The following BTBD1 variants were observed in gnomAD, a reference collection of about 807,000 sequenced individuals.
The protein encoded by BTBD1 is BTB domain containing 1, also known as BTB/POZ domain-containing protein 1.
BTBD1 carries 34 observed loss-of-function variants against 48.0 expected under a neutral mutation model. That is an observed-to-expected ratio of 0.71 (90% confidence interval 0.54 to 0.94). The LOEUF is 0.94. BTBD1 is among the 40% of genes least tolerant of loss of function. The pLI is 0.00. For missense variants in BTBD1, 543 were observed against 625.6 expected (o/e 0.87, Z 1.41); for synonymous variants, 261 against 242.1 (o/e 1.08, Z -0.72).
intron 4 of BTBD1, among the ~76,000 whole-genome samples, chr15:83,036,639 T>G (rs565290928): frequency 6.6e-6 from 1 of 152,288 alleles, no homozygotes; most frequent in African/African-American, 2.4e-5. Flanking sequence ...ATGGCCTCAA[T>G]GGTCCCCAAA....
At chr15:83,043,068 G>A (rs908181726) in intron 3 of BTBD1, among the ~76,000 whole-genome samples, 8 of 152,158 alleles carry the variant, frequency 5.3e-5, no homozygotes, top group African/African-American at 1.9e-4. Context: ...ACTCGAGCCT[G>A]GGAGGTTGCA....
At chr15:83,023,346 T>C (rs1817964327) in intron 5 of BTBD1, among the ~76,000 whole-genome samples, 1 of 152,198 alleles carries the variant, frequency 6.6e-6, no homozygotes, top group Non-Finnish European at 1.5e-5. Flanking sequence ...TTCCTAGAAC[T>C]GCTGGTGAAA....
chr15:83,051,383 T>G (rs1302869613), intron 2 of BTBD1, among the ~76,000 whole-genome samples: 1 of 151,898 alleles, frequency 6.6e-6, no homozygotes, highest in African/African-American at 2.4e-5. Flanking sequence ...CTGATAAATA[T>G]CTAAACAATT....
At chr15:83,063,443 T>G (rs1407162157) in intron 1 of BTBD1, among the ~76,000 whole-genome samples, 1 of 152,160 alleles carries the variant, frequency 6.6e-6, no homozygotes, top group Non-Finnish European at 1.5e-5. Flanking sequence ...TTTGACCATG[T>G]CTCATCATGT....
chr15:83,018,448 CA>C (rs1309241176), intron 7 of BTBD1, among the ~76,000 whole-genome samples: 8 of 152,166 alleles, frequency 5.3e-5, no homozygotes, highest in Admixed American at 5.2e-4. Flanking sequence ...AAAGATTTTA[CA>C]AAAATAACTT....
intron 4 of BTBD1, among the ~76,000 whole-genome samples, chr15:83,039,917 T>C (rs2032712561): frequency 6.6e-6 from 1 of 151,786 alleles, no homozygotes; most frequent in African/African-American, 2.4e-5. Context: ...TGCACTCATA[T>C]GTTCATCACA....
At chr15:83,026,445 G>C (rs962157623) in intron 5 of BTBD1, among the ~76,000 whole-genome samples, 4 of 151,196 alleles carry the variant, frequency 2.6e-5, no homozygotes, top group Non-Finnish European at 5.9e-5. Context: ...AATTCATGTA[G>C]GTAAAAAATC....
intron 2 of BTBD1, among the ~76,000 whole-genome samples, chr15:83,053,591 T>C (rs1008751359): frequency 1.3e-5 from 2 of 152,160 alleles, no homozygotes; most frequent in African/African-American, 4.8e-5. Flanking sequence ...ACCTTTAAAA[T>C]AAAAGTAGTT....
chr15:83,031,603 G>C (rs1466068384), intron 4 of BTBD1, among the ~76,000 whole-genome samples: 2 of 152,142 alleles, frequency 1.3e-5, no homozygotes, highest in African/African-American at 4.8e-5. Flanking sequence ...ACAGGAAGGG[G>C]AACATCACAT....
intron 3 of BTBD1, chr15:83,044,423 T>C (rs868347024): frequency 2.0e-4 from 309 of 1,580,582 alleles, no homozygotes; most frequent in Middle Eastern, 1.0e-3. Context: ...AGCAAACGCT[T>C]TGATGAATAC....
chr15:83,056,203 C>T (rs1454563943), intron 2 of BTBD1, among the ~76,000 whole-genome samples, 186 bp downstream of exon 2: 1 of 152,158 alleles, frequency 6.6e-6, no homozygotes, highest in Non-Finnish European at 1.5e-5. Flanking sequence ...CCATCCATGG[C>T]CTCTAATACA....
chr15:83,059,131 T>A (rs1596444781), intron 1 of BTBD1, among the ~76,000 whole-genome samples: 1 of 152,222 alleles, frequency 6.6e-6, no homozygotes, highest in East Asian at 1.9e-4. Context: ...CTCATCAGGA[T>A]TTTTTTAAAA....
chr15:83,025,863 G>A (rs1359469837), intron 5 of BTBD1, among the ~76,000 whole-genome samples: 11 of 151,880 alleles, frequency 7.2e-5, no homozygotes, highest in Admixed American at 5.3e-4. Flanking sequence ...TCCGCCTCCC[G>A]GGTTCACGCA....
At chr15:83,028,897 C>T (rs752467082) in intron 5 of BTBD1, among the ~76,000 whole-genome samples, 20 of 151,984 alleles carry the variant, frequency 1.3e-4, no homozygotes, top group Non-Finnish European at 2.4e-4. Context: ...TTAAAGGAAC[C>T]AGCTTATGGA....
chr15:83,018,592 C>G (rs1400653700), intron 7 of BTBD1, 115 bp downstream of exon 7: 5 of 1,195,182 alleles, frequency 4.2e-6, no homozygotes, highest in Non-Finnish European at 5.7e-6. Flanking sequence ...TAGCTCCCAG[C>G]TTCTTTTCCC....
intron 1 of BTBD1, among the ~76,000 whole-genome samples, chr15:83,059,633 A>G (rs1414660185): frequency 1.3e-4 from 20 of 152,220 alleles, no homozygotes; most frequent in Admixed American, 1.3e-3. Context: ...CTCCGGGTGG[A>G]GAGTGGTGGC....
At chr15:83,047,100 C>T (rs1024867177) in intron 3 of BTBD1, among the ~76,000 whole-genome samples, 10 of 152,108 alleles carry the variant, frequency 6.6e-5, no homozygotes, top group African/African-American at 1.9e-4. Flanking sequence ...GAGTTGTACA[C>T]GAGACAAAGT....
At chr15:83,045,356 G>A (rs564319330) in intron 3 of BTBD1, among the ~76,000 whole-genome samples, 14 of 152,204 alleles carry the variant, frequency 9.2e-5, no homozygotes, top group African/African-American at 3.1e-4. Context: ...TTAGCAGGGC[G>A]TGGTGGCAGG....
intron 1 of BTBD1, among the ~76,000 whole-genome samples, chr15:83,062,730 CAT>C (rs34071454): frequency 0.12 from 17,554 of 152,112 alleles, 1,062 homozygotes; most frequent in Middle Eastern, 0.22. Context: ...TTTGGAGACA[CAT>C]GTGGGGGAAT....
Sources: allele counts gnomAD v4.1 joint callset (sites outside exome capture counted in the v4.1 genomes callset), GRCh38; gene constraint gnomAD v4.1.1; transcripts MANE v1.5; gene names NCBI Gene and HGNC (gene_info 2026-07-23, HGNC 2026-07-21).